Variants in EPB41L4A observed in about 807,000 individuals in gnomAD.
The protein encoded by EPB41L4A is erythrocyte membrane protein band 4.1 like 4A, also known as band 4.1-like protein 4A.
In EPB41L4A, 100 loss-of-function variants were observed where a neutral mutation model predicts 108.6. The ratio of observed to expected loss-of-function variants is 0.92; its 90% CI spans 0.78 to 1.09. The LOEUF (loss-of-function observed/expected upper bound fraction) is 1.09. EPB41L4A is among the 50% of genes least tolerant of loss of function. EPB41L4A has a pLI of 0.00. For missense variants in EPB41L4A, 1,030 were observed against 842.7 expected (o/e 1.22, Z -2.75); for synonymous variants, 319 against 289.0 (o/e 1.10, Z -1.05).
rs539097453 is a variant in EPB41L4A, at chr5:112,155,016, C to G, written n.994+3385G>C. Reference sequence around the variant, plus strand: ...CAAAACTGACCAAAGAACTAGAACACCTGAATGGTCCTATGTCCATTAAGG... The same window carrying G: ...CAAAACTGACCAAAGAACTAGAACAGCTGAATGGTCCTATGTCCATTAAGG... On this transcript the variant is annotated intron_variant and non_coding_transcript_variant, in intron 12 of 13. Transcript: ENST00000507810. Among the ~76,000 whole-genome samples the G allele has an allele frequency of 5.3e-5, 8 of 152,196 alleles. 1 individual carries two copies. The highest frequency in any genetic ancestry group is 1.9e-4 in the East Asian group (1 of 5,176).
At chr5:112,244,590 T>C (rs1156537667) in intron 9 of EPB41L4A, among the ~76,000 whole-genome samples, 1 of 152,188 alleles carries the variant, frequency 6.6e-6, no homozygotes, top group Non-Finnish European at 1.5e-5. Context: ...GCTCACAGAT[T>C]GGTTTCATCA....
At chr5:112,383,510 G>T (rs1760301019) in intron 1 of EPB41L4A, among the ~76,000 whole-genome samples, 1 of 152,132 alleles carries the variant, frequency 6.6e-6, no homozygotes. Context: ...CTTTCAAAAT[G>T]AAATGACAGG....
intron 2 of EPB41L4A, among the ~76,000 whole-genome samples, chr5:112,291,847 A>G (rs1164383280): frequency 6.6e-6 from 1 of 152,144 alleles, no homozygotes; most frequent in Non-Finnish European, 1.5e-5. Flanking sequence ...CTCTTCATCT[A>G]TATATTCTGC....
At chr5:112,214,934 C>T (rs996541219) in intron 12 of EPB41L4A, among the ~76,000 whole-genome samples, 2 of 152,098 alleles carry the variant, frequency 1.3e-5, no homozygotes, top group Admixed American at 1.3e-4. Context: ...AAATATTTGA[C>T]ATATAAAACA....
intron 9 of EPB41L4A, among the ~76,000 whole-genome samples, chr5:112,257,657 A>G (rs937955577): frequency 3.9e-5 from 6 of 152,228 alleles, no homozygotes; most frequent in African/African-American, 1.4e-4. Flanking sequence ...TGTAATAATA[A>G]CATGAAAGTC....
rs775272932 is a variant in EPB41L4A, at chr5:112,195,711, G to A, written c.1377-3C>T. On this transcript the variant is annotated splice_polypyrimidine_tract_variant and splice_region_variant and intron_variant, in intron 15 of 22. Transcript: ENST00000261486. ...CTTCACCACTGTTATGGGCTTTCCT[G>A]TGAAAACAAATGAAGACATTTAAGA... 1 of 1,611,808 alleles carries A rather than the reference G, an allele frequency of 6.2e-7. No individual in the cohort carries two copies. Among genetic ancestry groups the A allele is most frequent in the East Asian group, 2.2e-5 (1 of 44,826 alleles).
chr5:112,279,008 T>A (rs1347265994), intron 3 of EPB41L4A, among the ~76,000 whole-genome samples: 1 of 138,572 alleles, frequency 7.2e-6, no homozygotes, highest in African/African-American at 2.8e-5. Flanking sequence ...GAGATTGCAG[T>A]GAGCCAAGAG....
At chr5:112,314,366 A>G (rs1755268405) in intron 1 of EPB41L4A, among the ~76,000 whole-genome samples, 1 of 151,862 alleles carries the variant, frequency 6.6e-6, no homozygotes, top group South Asian at 2.1e-4. Flanking sequence ...ATACTTTGCA[A>G]AAGAAAAGAT....
chr5:112,398,025 G>GTCC (rs1229451200), intron 1 of EPB41L4A, among the ~76,000 whole-genome samples: 2 of 152,126 alleles, frequency 1.3e-5, no homozygotes, highest in African/African-American at 4.8e-5. Context: ...GGAGACAATT[G>GTCC]TAAGCTAAGC....
chr5:112,216,519 C>T (rs1409565583), intron 12 of EPB41L4A, among the ~76,000 whole-genome samples: 3 of 152,130 alleles, frequency 2.0e-5, no homozygotes, highest in Non-Finnish European at 4.4e-5. Context: ...TTGTGACATA[C>T]ACTTTCTTTT....
chr5:112,153,428 C>G (rs1759540764), intron 12 of EPB41L4A, among the ~76,000 whole-genome samples: 1 of 151,370 alleles, frequency 6.6e-6, no homozygotes, highest in African/African-American at 2.4e-5. Flanking sequence ...ACTCGGGAGG[C>G]TGAGGCAGGA....
At chr5:112,169,388 C>T (rs1760444164) in intron 20 of EPB41L4A, among the ~76,000 whole-genome samples, 1 of 151,730 alleles carries the variant, frequency 6.6e-6, no homozygotes, top group Admixed American at 6.6e-5. Context: ...TATTCCTTAC[C>T]GTGGAATTCT....
intron 4 of EPB41L4A, among the ~76,000 whole-genome samples, chr5:112,270,523 A>C (rs936595174): frequency 6.6e-6 from 1 of 152,266 alleles, no homozygotes; most frequent in African/African-American, 2.4e-5. Flanking sequence ...AGAGAAAATC[A>C]TAACTCTTTA....
chr5:112,303,870 G>A (rs907989530), intron 2 of EPB41L4A, among the ~76,000 whole-genome samples: 41 of 152,164 alleles, frequency 2.7e-4, no homozygotes, highest in Non-Finnish European at 4.4e-4. Context: ...GCAGATAAGG[G>A]AGGGCAAAGG....
intron 1 of EPB41L4A, among the ~76,000 whole-genome samples, chr5:112,313,183 GC>G (rs897365556): frequency 5.9e-5 from 9 of 152,168 alleles, no homozygotes; most frequent in African/African-American, 2.2e-4. Flanking sequence ...TCTTTGACCA[GC>G]CTATTAGAAT....
At chr5:112,269,697 G>T (rs1752125623) in intron 4 of EPB41L4A, among the ~76,000 whole-genome samples, 2 of 152,110 alleles carry the variant, frequency 1.3e-5, no homozygotes, top group Non-Finnish European at 2.9e-5. Context: ...CAGGAGTTTG[G>T]ACAATAAATT....
chr5:112,236,300 AC>A (rs1749326160), intron 11 of EPB41L4A, among the ~76,000 whole-genome samples: 1 of 152,142 alleles, frequency 6.6e-6, no homozygotes, highest in Non-Finnish European at 1.5e-5. Context: ...AAGCTTTCTG[AC>A]CTCCTGCTGG....
chr5:112,360,430 C>T (rs930114315), intron 1 of EPB41L4A, among the ~76,000 whole-genome samples: 3 of 152,206 alleles, frequency 2.0e-5, no homozygotes, highest in Admixed American at 1.3e-4. Context: ...CGCACCGCCA[C>T]GCCTGACTGG....
chr5:112,359,572 G>A (rs1758581101), intron 1 of EPB41L4A, among the ~76,000 whole-genome samples: 1 of 147,364 alleles, frequency 6.8e-6, no homozygotes, highest in Admixed American at 6.8e-5. Flanking sequence ...ACGGAGTCTT[G>A]CTCTGTCGCC....
Sources: gnomAD v4.1 joint callset for allele counts (sites outside exome capture counted in the v4.1 genomes callset) on GRCh38, gnomAD v4.1.1 for gene constraint, MANE v1.5 for transcripts, NCBI Gene and HGNC (gene_info 2026-07-23, HGNC 2026-07-21) for gene names.